ARHGAP29: variants seen among roughly 807,000 people sequenced by gnomAD.
The protein encoded by ARHGAP29 is Rho GTPase activating protein 29.
A neutral mutation model predicts 122.6 loss-of-function variants in ARHGAP29; 43 were observed. The observed-to-expected ratio is 0.35, with a 90% CI of 0.27 to 0.45. The LOEUF (loss-of-function observed/expected upper bound fraction) is 0.45. ARHGAP29 is among the 20% of genes least tolerant of loss of function. The probability of loss-of-function intolerance (pLI) is 1.00; values close to 1 mark genes in which losing one functional copy is unlikely to be tolerated. For missense variants in ARHGAP29, 1,303 were observed against 1,477.2 expected (o/e 0.88, Z 1.93); for synonymous variants, 506 against 497.1 (o/e 1.02, Z -0.24).
chr1:94,303,762 TTAAG>T, the ARHGAP29 span, among the ~76,000 whole-genome samples: 7 of 152,196 alleles, frequency 4.6e-5, no homozygotes, highest in East Asian at 3.9e-4. Flanking sequence ...GATTTGGGGG[TTAAG>T]TAAGTGGTCC....
intron 12 of ARHGAP29, among the ~76,000 whole-genome samples, chr1:94,199,258 AC>A (rs1650686705): frequency 6.6e-6 from 1 of 152,232 alleles, no homozygotes; most frequent in South Asian, 2.1e-4. Flanking sequence ...GACAGCAAGT[AC>A]TTCAGTGCAA....
chr1:94,196,404 G>C (rs1650482600), intron 12 of ARHGAP29, among the ~76,000 whole-genome samples: 1 of 150,486 alleles, frequency 6.6e-6, no homozygotes, highest in African/African-American at 2.4e-5. Context: ...TGGGACTACA[G>C]GCGCCCGCTA....
chr1:94,174,799 G>T (rs779600924), intron 22 of ARHGAP29, 50 bp from the exon 23 acceptor site: 1 of 1,550,786 alleles, frequency 6.4e-7, no homozygotes, highest in Admixed American at 1.9e-5. Flanking sequence ...GTTAATAAGA[G>T]AGTTTGAATG....
intron 3 of ARHGAP29, among the ~76,000 whole-genome samples, chr1:94,213,242 T>G (rs184194532): frequency 2.0e-5 from 3 of 152,128 alleles, no homozygotes; most frequent in Non-Finnish European, 4.4e-5. Flanking sequence ...TGCAGTGGCG[T>G]GATCTCGGCT....
At chr1:94,247,591 C>A (rs1309997224) in intron 1 of ARHGAP29, among the ~76,000 whole-genome samples, 1 of 151,412 alleles carries the variant, frequency 6.6e-6, no homozygotes, top group African/African-American at 2.4e-5. Context: ...GCGTCCCGGA[C>A]GCGGACGGCC....
At chr1:94,220,183 A>G in intron 3 of ARHGAP29, 75 bp downstream of exon 3, 1 of 1,535,544 alleles carries the variant, frequency 6.5e-7, no homozygotes, top group Non-Finnish European at 8.9e-7. Flanking sequence ...TTGGCTATAT[A>G]TTCACTATAG....
At chr1:94,212,613 G>A (rs1295771302) in intron 3 of ARHGAP29, among the ~76,000 whole-genome samples, 1 of 151,630 alleles carries the variant, frequency 6.6e-6, no homozygotes, top group African/African-American at 2.4e-5. Context: ...AACATGACTG[G>A]GAGATTAAAA....
chr1:94,265,549 T>C (rs1015592150), intron 1 of ARHGAP29, among the ~76,000 whole-genome samples: 2 of 152,200 alleles, frequency 1.3e-5, no homozygotes, highest in African/African-American at 2.4e-5. Flanking sequence ...GGGCAGCCAC[T>C]CAGAACTGAA....
At chr1:94,178,341 TAG>T (rs1320805406) in intron 20 of ARHGAP29, among the ~76,000 whole-genome samples, 174 bp from the exon 21 acceptor site, 8 of 152,148 alleles carry the variant, frequency 5.3e-5, no homozygotes, top group African/African-American at 1.9e-4. Context: ...ACATGCCAAA[TAG>T]AGTTTCACAG....
Position 94,174,689 on chromosome 1 carries a change from C to T in ARHGAP29, c.2966G>A (p.Gly989Asp), listed in dbSNP as rs762644073. The T allele has an allele frequency of 3.1e-6, 5 of 1,613,944 alleles. No individual in the cohort carries two copies. Among genetic ancestry groups the T allele is most frequent in the African/African-American group, 2.7e-5 (2 of 74,896 alleles). Residue 989 changes from glycine to aspartate, a missense_variant, in exon 23 of 23, where the codon GGT becomes GAT. By Grantham distance (94) the Gly-to-Asp change is moderately conservative. Around this residue, in one of 3 missense-constraint regions of ARHGAP29, gnomAD observed 620 missense variants for 651.2 expected, o/e 0.95. Coordinates refer to ENST00000260526, the MANE Select transcript of ARHGAP29 (RefSeq NM_004815.4). ...AESASQKIED[G>D]KTPKPLSLKS... ...CAGAGAAAGTGGCTTAGGGGTTTTA[C>T]CATCTTCTATCTTTTGGGATGCTGA...
intron 1 of ARHGAP29, among the ~76,000 whole-genome samples, chr1:94,266,510 C>G (rs781295073): frequency 1.3e-5 from 2 of 152,112 alleles, no homozygotes; most frequent in Non-Finnish European, 2.9e-5. Context: ...AACTCCTTAC[C>G]TCTTCCATCT....
At chr1:94,177,023 C>G (rs1649137052) in intron 22 of ARHGAP29, 1 of 151,822 alleles carries the variant, frequency 6.6e-6, no homozygotes, top group Non-Finnish European at 1.5e-5. Flanking sequence ...AATGACAATA[C>G]AAATGGAAGC....
At chr1:94,247,650 C>T (rs1158657738) in intron 1 of ARHGAP29, among the ~76,000 whole-genome samples, 1 of 151,662 alleles carries the variant, frequency 6.6e-6, no homozygotes, top group Non-Finnish European at 1.5e-5. Context: ...AGCTCGCCGC[C>T]CCCATCCCCC....
chr1:94,187,114 G>A (rs369328998), intron 15 of ARHGAP29, among the ~76,000 whole-genome samples: 2 of 152,170 alleles, frequency 1.3e-5, no homozygotes, highest in South Asian at 4.1e-4. Context: ...AGGAACAACA[G>A]CCCAGAGATA....
At chr1:94,212,473 T>G (rs1651697457) in intron 3 of ARHGAP29, among the ~76,000 whole-genome samples, 1 of 152,160 alleles carries the variant, frequency 6.6e-6, no homozygotes, top group African/African-American at 2.4e-5. Flanking sequence ...AATAGTAATT[T>G]ATAATATAAT....
chr1:94,177,680 C>A lies in ARHGAP29; in HGVS notation c.2837G>T (p.Arg946Leu). 1 of 1,612,992 alleles carries A rather than the reference C, an allele frequency of 6.2e-7. No homozygotes were observed. Among genetic ancestry groups the A allele is most frequent in the South Asian group, 1.1e-5 (1 of 90,748 alleles). Residue 946 changes from arginine to leucine, a missense_variant, in exon 22 of 23, where the codon CGA becomes CTA. By Grantham distance (102) the Arg-to-Leu change is moderately radical. Transcript: ENST00000260526. ...TTCTGATTCCTCAAATGATGTAGCTCGTTCAAAAATTTTGCTTTCACTCTC... is the reference window on the plus strand; with the variant it reads ...TTCTGATTCCTCAAATGATGTAGCTAGTTCAAAAATTTTGCTTTCACTCTC... Reference protein sequence around the residue: ...TSESESKIFERATSFEESERK... With the variant: ...TSESESKIFELATSFEESERK...
At chr1:94,251,003 TA>T (rs1356086578) in intron 1 of ARHGAP29, among the ~76,000 whole-genome samples, 1 of 152,158 alleles carries the variant, frequency 6.6e-6, no homozygotes, top group Non-Finnish European at 1.5e-5. Flanking sequence ...CTACTGTGAA[TA>T]AAAAGATTAT....
At chr1:94,302,381 C>T in the ARHGAP29 span, 1 of 343,242 alleles carries the variant, frequency 2.9e-6, no homozygotes, top group Non-Finnish European at 5.6e-6. Flanking sequence ...AGGGTCATTA[C>T]CTCTGCCCCC....
chr1:94,192,095 A>C (rs943330856), intron 12 of ARHGAP29: 1 of 152,168 alleles, frequency 6.6e-6, no homozygotes, highest in African/African-American at 2.4e-5. Context: ...TTAAGTAAAT[A>C]ATATATTAAT....
Sources: allele counts gnomAD v4.1 joint callset (sites outside exome capture counted in the v4.1 genomes callset), GRCh38; gene constraint gnomAD v4.1.1; regional missense constraint gnomAD v4.1.1; transcripts MANE v1.5; gene names NCBI Gene and HGNC (gene_info 2026-07-23, HGNC 2026-07-21).